Variants in OPCML observed in about 807,000 individuals in gnomAD.
The protein encoded by OPCML is opioid binding protein/cell adhesion molecule like.
A neutral mutation model predicts 37.8 loss-of-function variants in OPCML; 13 were observed. That is an observed-to-expected ratio of 0.34 (90% CI 0.22 to 0.55). OPCML has a LOEUF of 0.55. Among genes scored for constraint, OPCML ranks in the 20% least tolerant of loss-of-function variants. The pLI is 0.91. For missense variants in OPCML, 341 were observed against 435.6 expected, an observed-to-expected ratio of 0.78 and a Z score of 1.93; for synonymous variants, 176 against 168.8, an observed-to-expected ratio of 1.04 and a Z score of -0.33.
chr11:133,374,666 G>A (rs1365695972), intron 1 of OPCML, among the ~76,000 whole-genome samples: 2 of 152,260 alleles, frequency 1.3e-5, no homozygotes, highest in Admixed American at 1.3e-4. Context: ...CCTTCTTTCT[G>A]ACTATTCCTT....
rs75043012 is a variant in OPCML, at chr11:132,642,523, T to G, written c.379+14564A>C. ...ATCTAACATAATTTATCAAAACTTA[T>G]GATGCCAATGCTTTTATGTGATAAA... On this transcript the variant is annotated intron_variant, in intron 3 of 7. Transcript: ENST00000524381. Among the ~76,000 whole-genome samples, 24 of 152,214 alleles carry G rather than the reference T, an allele frequency of 1.6e-4. 1 individual carries two copies. The highest frequency in any genetic ancestry group is 5.8e-4 in the African/African-American group (24 of 41,448).
intron 4 of OPCML, among the ~76,000 whole-genome samples, chr11:132,452,465 C>T (rs1214597009): frequency 6.6e-6 from 1 of 152,020 alleles, no homozygotes; most frequent in Non-Finnish European, 1.5e-5. Context: ...AAGCTGTGAT[C>T]CACCAGCCTG....
intron 1 of OPCML, among the ~76,000 whole-genome samples, chr11:133,322,353 G>T (rs568005099): frequency 6.6e-6 from 1 of 152,162 alleles, no homozygotes; most frequent in Non-Finnish European, 1.5e-5. Context: ...TGCACATCCC[G>T]CACACAAACA....
rs976340914 is a variant in OPCML at position 133,211,513 on chromosome 11, T to C, written c.62-268503A>G. Among the ~76,000 whole-genome samples the C allele has an allele frequency of 3.3e-5, 5 of 151,616 alleles. No homozygotes were observed. The highest frequency in any genetic ancestry group is 1.2e-4 in the African/African-American group (5 of 40,888). ...ACCCCTCCTCAGACACTGTTGCATA[T>C]AAGTCAGAGGAGGGGCTTTGAAAAC... On this transcript the variant is annotated intron_variant, in intron 1 of 7. Transcript: ENST00000524381. This position sits in a 1 kb window ranked among gnomAD's most constrained non-coding sequence, Gnocchi z 4.1.
In OPCML at chr11:132,947,553, G is replaced by A. The variant is rs1945771796; in HGVS notation, c.62-4543C>T. On this transcript the variant is annotated intron_variant, in intron 1 of 7. Coordinates refer to ENST00000524381, the MANE Select transcript of OPCML (RefSeq NM_001012393.5). ...TGTTAATCTCTGTGAGCCTACAGTTGTGTGGGAGAGACTTCATTCCTCTGT... is the reference window on the plus strand; with the variant it reads ...TGTTAATCTCTGTGAGCCTACAGTTATGTGGGAGAGACTTCATTCCTCTGT... Among the ~76,000 whole-genome samples the A allele has an allele frequency of 2.6e-5, 4 of 152,196 alleles. 1 individual carries two copies. Among genetic ancestry groups the A allele is most frequent in the South Asian group, 4.1e-4 (2 of 4,830 alleles).
chr11:132,790,043 A>G (rs1420925120), intron 2 of OPCML, among the ~76,000 whole-genome samples: 2 of 152,236 alleles, frequency 1.3e-5, no homozygotes, highest in African/African-American at 4.8e-5. Context: ...AGTTTCTCAA[A>G]AAAACTAAAA....
chr11:132,637,535 C>T (rs1384514211), intron 3 of OPCML, among the ~76,000 whole-genome samples: 2 of 152,130 alleles, frequency 1.3e-5, no homozygotes, highest in Admixed American at 6.5e-5. Flanking sequence ...ACATTTGCTG[C>T]CAGCTATCTT....
At chr11:133,233,471 A>G (rs917261321) in intron 1 of OPCML, among the ~76,000 whole-genome samples, 2 of 152,206 alleles carry the variant, frequency 1.3e-5, no homozygotes, top group African/African-American at 4.8e-5. Flanking sequence ...ATGGTAAATT[A>G]GTACAAACAA....
intron 1 of OPCML, among the ~76,000 whole-genome samples, chr11:132,992,938 C>T (rs555606197): frequency 5.1e-4 from 78 of 152,288 alleles, no homozygotes; most frequent in South Asian, 2.7e-3. Context: ...CGATTAATCA[C>T]AGGTGCCCCC....
At chr11:132,542,594 G>A (rs1300192739) in intron 3 of OPCML, among the ~76,000 whole-genome samples, 1 of 152,030 alleles carries the variant, frequency 6.6e-6, no homozygotes, top group Non-Finnish European at 1.5e-5. Flanking sequence ...TGGGAGTATT[G>A]ACAGACTCCT....
intron 3 of OPCML, among the ~76,000 whole-genome samples, chr11:132,586,884 G>T (rs1244583706): frequency 6.6e-6 from 1 of 152,188 alleles, no homozygotes; most frequent in Non-Finnish European, 1.5e-5. Flanking sequence ...ACAAATTATT[G>T]CATTTCTTGC....
At chr11:132,812,239 A>G (rs1939389820) in intron 2 of OPCML, among the ~76,000 whole-genome samples, 1 of 152,192 alleles carries the variant, frequency 6.6e-6, no homozygotes, top group Non-Finnish European at 1.5e-5. Flanking sequence ...AAGAAGGAAG[A>G]CATTTACACT....
chr11:133,179,772 A>G (rs1592078506), intron 1 of OPCML, among the ~76,000 whole-genome samples: 1 of 152,208 alleles, frequency 6.6e-6, no homozygotes, highest in Non-Finnish European at 1.5e-5. Flanking sequence ...GGTTGCTAGG[A>G]AGAGCAGAGG....
At chr11:133,235,242 G>A (rs1399412526) in intron 1 of OPCML, among the ~76,000 whole-genome samples, 5 of 152,184 alleles carry the variant, frequency 3.3e-5, no homozygotes, top group Admixed American at 6.5e-5. Context: ...GTCCCCCAAA[G>A]GCAATTCCTG....
intron 3 of OPCML, among the ~76,000 whole-genome samples, chr11:132,648,457 C>T (rs541235235): frequency 6.6e-6 from 1 of 151,888 alleles, no homozygotes; most frequent in Admixed American, 6.5e-5. Flanking sequence ...ACGACTGTTC[C>T]GTTTATTTAA....
intron 1 of OPCML, among the ~76,000 whole-genome samples, chr11:133,459,978 A>G (rs1946822991): frequency 6.6e-6 from 1 of 152,050 alleles, no homozygotes; most frequent in Admixed American, 6.6e-5. Context: ...GGCAACAGAA[A>G]AAGTCTTAAT....
intron 4 of OPCML, among the ~76,000 whole-genome samples, chr11:132,501,596 G>T (rs976239434): frequency 6.6e-6 from 1 of 152,194 alleles, no homozygotes; most frequent in African/African-American, 2.4e-5. Flanking sequence ...CAAGAGGCAT[G>T]GTTGTCATGA....
At chr11:133,086,341 CA>C (rs2137043415) in intron 1 of OPCML, among the ~76,000 whole-genome samples, 1 of 151,770 alleles carries the variant, frequency 6.6e-6, no homozygotes, top group Admixed American at 6.6e-5. Context: ...TTCAACTTTG[CA>C]AGGGACATCA....
At chr11:132,458,391 A>T (rs966377581) in intron 4 of OPCML, among the ~76,000 whole-genome samples, 1 of 152,194 alleles carries the variant, frequency 6.6e-6, no homozygotes, top group Non-Finnish European at 1.5e-5. Flanking sequence ...CTTGCAGTTT[A>T]ATTATGCACA....
Sources: gnomAD v4.1 joint callset for allele counts (sites outside exome capture counted in the v4.1 genomes callset) on GRCh38, gnomAD v4.1.1 for gene constraint, Gnocchi (gnomAD v3.1) non-coding constraint, MANE v1.5 for transcripts, NCBI Gene and HGNC (gene_info 2026-07-23, HGNC 2026-07-21) for gene names.